The following GLS2 variants were observed in gnomAD, a reference collection of about 807,000 sequenced individuals.
The protein encoded by GLS2 is glutaminase 2, also known as glutaminase liver isoform, mitochondrial.
In GLS2, 52 loss-of-function variants were observed where a neutral mutation model predicts 79.0. That is an observed-to-expected ratio of 0.66 (90% CI 0.53 to 0.83). GLS2 has a LOEUF of 0.83. Among genes scored for constraint, GLS2 ranks in the 40% least tolerant of loss-of-function variants. The pLI is 0.00. For missense variants in GLS2, 561 were observed against 764.8 expected, an observed-to-expected ratio of 0.73 and a Z score of 3.14; for synonymous variants, 238 against 280.8, an observed-to-expected ratio of 0.85 and a Z score of 1.52.
chr12:56,486,831 G>C (rs1036259569), intron 1 of GLS2, among the ~76,000 whole-genome samples: 3 of 152,210 alleles, frequency 2.0e-5, no homozygotes, highest in African/African-American at 7.2e-5. Context: ...CTGCACTCCA[G>C]CCTGTGTGAC....
chr12:56,475,371 A>G, intron 9 of GLS2: 1 of 910,610 alleles, frequency 1.1e-6, no homozygotes, highest in African/African-American at 1.7e-5. Context: ...TGGCTTTGAA[A>G]GTCTTGGCAA....
rs139239393 is a variant in GLS2, at chr12:56,485,604, CAT to C, written c.182+2331_182+2332del. Among the ~76,000 whole-genome samples, 113 of 152,134 alleles carry C rather than the reference CAT, an allele frequency of 7.4e-4. No individual in the cohort carries two copies. The East Asian group carries it at 0.017, about 22-fold the overall frequency. ...TTTTTAATTGAAACATAATTGTACA[CAT>C]GTTTATGGGATGCATAGCAATGTTT... On this transcript the variant is annotated intron_variant, in intron 1 of 17. Coordinates refer to ENST00000311966, the MANE Select transcript of GLS2 (RefSeq NM_013267.4).
chr12:56,486,570 G>T (rs1483664630), intron 1 of GLS2, among the ~76,000 whole-genome samples: 2 of 152,212 alleles, frequency 1.3e-5, no homozygotes, highest in Non-Finnish European at 2.9e-5. Context: ...GCCGGGCGTG[G>T]TGGCTCATGC....
chr12:56,473,782 C>A, intron 12 of GLS2, 188 bp from the exon 13 acceptor site: 2 of 659,476 alleles, frequency 3.0e-6, no homozygotes, highest in Non-Finnish European at 2.4e-6. Flanking sequence ...ATTGATTCAG[C>A]TAGAAAATAT....
chr12:56,475,802 G>A, intron 8 of GLS2, 120 bp from the exon 9 acceptor site: 5 of 1,390,770 alleles, frequency 3.6e-6, no homozygotes, highest in Non-Finnish European at 5.1e-6. Context: ...TCTGAGGCCA[G>A]CAGATTTCCA....
At chr12:56,481,663 G>A (rs1870308001) in intron 1 of GLS2, among the ~76,000 whole-genome samples, 1 of 151,236 alleles carries the variant, frequency 6.6e-6, no homozygotes, top group Non-Finnish European at 1.5e-5. Context: ...GGCTGAGGCA[G>A]GCGGATCACC....
intron 1 of GLS2, among the ~76,000 whole-genome samples, chr12:56,486,832 C>T (rs184981211): frequency 5.9e-5 from 9 of 152,308 alleles, no homozygotes; most frequent in Admixed American, 4.6e-4. Flanking sequence ...TGCACTCCAG[C>T]CTGTGTGACA....
chr12:56,477,955 G>A lies in GLS2; in HGVS notation c.756C>T (p.Asn252=). ...VGKEPSGLRY[N]KLSLNEEGIP... is the part of the protein sequence containing the mutation. Reference sequence around the variant, plus strand: ...CACCTTCCTCATTGAGGGAGAGCTTGTTGTAGCGCAGGCCACTTGGCTCTT... The same window carrying A: ...CACCTTCCTCATTGAGGGAGAGCTTATTGTAGCGCAGGCCACTTGGCTCTT... The change falls in exon 6 of 18, where the codon AAC becomes AAT. Residue 252 remains asparagine (N), a synonymous_variant. Transcript: ENST00000311966. 1 of 1,613,828 alleles carries A rather than the reference G, an allele frequency of 6.2e-7. No individual in the cohort carries two copies. The highest frequency in any genetic ancestry group is 8.5e-7 in the Non-Finnish European group (1 of 1,179,752).
At chr12:56,480,885 G>C (rs1427442837) in intron 1 of GLS2, among the ~76,000 whole-genome samples, 2 of 152,182 alleles carry the variant, frequency 1.3e-5, no homozygotes, top group African/African-American at 4.8e-5. Context: ...GCATGGTGTA[G>C]TAGACCAGAG....
chr12:56,477,936 C>T lies in GLS2; in HGVS notation c.775G>A (p.Glu259Lys). Reference protein sequence around the residue: ...LRYNKLSLNEEGIPHNPMVNA... With the variant: ...LRYNKLSLNEKGIPHNPMVNA... Reference sequence around the variant, plus strand: ...TCTGAGCCTTGGTAGTGCTCACCTTCCTCATTGAGGGAGAGCTTGTTGTAG... The same window carrying T: ...TCTGAGCCTTGGTAGTGCTCACCTTTCTCATTGAGGGAGAGCTTGTTGTAG... The change falls in exon 6 of 18, where the codon GAA becomes AAA. Residue 259 changes from glutamate (E) to lysine (K), a missense_variant. This residue lies in a region of GLS2 where 221 missense variants were observed against 275.6 expected (regional missense o/e 0.80). Coordinates refer to ENST00000311966, the MANE Select transcript of GLS2 (RefSeq NM_013267.4). The T allele has an allele frequency of 6.2e-7, 1 of 1,612,514 alleles. No homozygotes were observed. Among genetic ancestry groups the T allele is most frequent in the South Asian group, 1.1e-5 (1 of 90,842 alleles).
At position 56,473,330 on chromosome 12, in the gene GLS2, T is replaced by G; in HGVS notation, c.1357-10A>C. ...AGAGAGACACCAACTTCTAGAATTG[T>G]AAGCCAAATATATTGTTTATTTACT... On this transcript the variant is annotated splice_polypyrimidine_tract_variant and intron_variant, in intron 13 of 17. Coordinates refer to ENST00000311966, the MANE Select transcript of GLS2 (RefSeq NM_013267.4). 6.2e-7 allele frequency: 1 copy of G among 1,614,006 alleles called. No individual in the cohort carries two copies. The highest frequency in any genetic ancestry group is 1.3e-5 in the African/African-American group (1 of 75,058).
At chr12:56,472,812 G>T in intron 14 of GLS2, 61 bp from the exon 15 acceptor site, 1 of 1,418,540 alleles carries the variant, frequency 7.0e-7, no homozygotes, top group Non-Finnish European at 1.0e-6. Context: ...GCTGTGCCCT[G>T]TGACCCTCCT....
In GLS2 at chr12:56,471,659, A is replaced by G. The variant is rs765572026; in HGVS notation, c.1653-16T>C. On this transcript the variant is annotated splice_polypyrimidine_tract_variant and intron_variant, in intron 17 of 17. Coordinates refer to ENST00000311966, the MANE Select transcript of GLS2 (RefSeq NM_013267.4). Reference sequence around the variant, plus strand: ...GTTGCCCCACCTGAGAGGAATAATGATATGATCAGGCAAAGGAGACGTGGA... The same window carrying G: ...GTTGCCCCACCTGAGAGGAATAATGGTATGATCAGGCAAAGGAGACGTGGA... 1.9e-6 allele frequency: 3 copies of G among 1,613,842 alleles called. No individual in the cohort carries two copies. The Admixed American group carries it at 5.0e-5, about 27-fold the overall frequency.
At chr12:56,483,368 C>T (rs139787790) in intron 1 of GLS2, among the ~76,000 whole-genome samples, 2,576 of 152,050 alleles carry the variant, frequency 0.017, 28 homozygotes, top group African/African-American at 0.029. Context: ...AGTGAGCCAC[C>T]GCGCCCGGCC....
chr12:56,483,452 T>C (rs1464983057), intron 1 of GLS2, among the ~76,000 whole-genome samples: 5 of 152,168 alleles, frequency 3.3e-5, no homozygotes, highest in African/African-American at 7.2e-5. Context: ...TTAATTATGG[T>C]ATATTCATAT....
intron 1 of GLS2, among the ~76,000 whole-genome samples, chr12:56,484,743 C>A (rs541311005): frequency 6.6e-6 from 1 of 152,138 alleles, no homozygotes; most frequent in South Asian, 2.1e-4. Context: ...GGATGGATCA[C>A]CAATGTAATG....
At chr12:56,471,942 C>T in intron 16 of GLS2, 106 bp from the exon 17 acceptor site, 1 of 1,351,134 alleles carries the variant, frequency 7.4e-7, no homozygotes, top group Non-Finnish European at 1.1e-6. Context: ...GAAAAGGCCT[C>T]TTCCCATTTT....
At chr12:56,475,270 TG>T in intron 9 of GLS2, 160 bp from the exon 10 acceptor site, 1 of 1,532,084 alleles carries the variant, frequency 6.5e-7, no homozygotes, top group Non-Finnish European at 8.8e-7. Flanking sequence ...TTTCTGAACC[TG>T]AGCAAACACT....
intron 1 of GLS2, 90 bp downstream of exon 1, chr12:56,487,847 G>T: frequency 7.2e-7 from 1 of 1,396,042 alleles, no homozygotes; most frequent in Non-Finnish European, 9.6e-7. Context: ...GAGATGAGCG[G>T]CGCTGCCTTG....
Sources: gnomAD v4.1 joint callset for allele counts (sites outside exome capture counted in the v4.1 genomes callset) on GRCh38, gnomAD v4.1.1 for gene constraint, gnomAD v4.1.1 regional missense constraint, MANE v1.5 for transcripts, NCBI Gene and HGNC (gene_info 2026-07-23, HGNC 2026-07-21) for gene names.